METTL15: variants seen among roughly 807,000 people sequenced by gnomAD.
The protein encoded by METTL15 is methyltransferase 15, mitochondrial 12S rRNA N4-cytidine, also known as 12S rRNA N(4)-cytidine methyltransferase METTL15.
METTL15 carries 34 observed loss-of-function variants against 38.3 expected under a neutral mutation model. The ratio of observed to expected loss-of-function variants is 0.89; its 90% CI spans 0.68 to 1.18. The LOEUF is 1.18. Among genes scored for constraint, METTL15 ranks in the 50% most tolerant of loss-of-function variants. The pLI, the probability that METTL15 is intolerant of heterozygous loss-of-function variation, is 0.00. For synonymous variants in METTL15, 162 were observed against 170.9 expected (o/e 0.95, Z 0.41); for missense variants, 438 against 498.4 (o/e 0.88, Z 1.15).
At chr11:28,293,650 A>G (rs1047306041) in intron 5 of METTL15, among the ~76,000 whole-genome samples, 4 of 151,260 alleles carry the variant, frequency 2.6e-5, no homozygotes, top group African/African-American at 7.2e-5. Flanking sequence ...CTTGGGCAGT[A>G]TGGCCATTTT....
chr11:28,498,051 CAAA>C (rs61242332), intron 6 of METTL15, among the ~76,000 whole-genome samples: 150 of 139,812 alleles, frequency 1.1e-3, no homozygotes, highest in African/African-American at 1.8e-3. Flanking sequence ...GAGACTGTTT[CAAA>C]AAAAAAAAAA....
intron 3 of METTL15, among the ~76,000 whole-genome samples, chr11:28,149,842 C>T (rs542148519): frequency 6.6e-6 from 1 of 151,894 alleles, no homozygotes; most frequent in Non-Finnish European, 1.5e-5. Context: ...AATATATTTG[C>T]ATTTCTCAAA....
intron 6 of METTL15, among the ~76,000 whole-genome samples, chr11:28,431,542 G>A (rs1850927822): frequency 1.5e-5 from 1 of 68,016 alleles, no homozygotes; most frequent in East Asian, 3.4e-4. Flanking sequence ...GATTAAGGGC[G>A]GTGCAAGATG....
intron 6 of METTL15, among the ~76,000 whole-genome samples, chr11:28,456,503 G>A (rs150453169): frequency 1.3e-4 from 20 of 151,480 alleles, no homozygotes; most frequent in Admixed American, 4.0e-4. Flanking sequence ...GTGCAGTGGC[G>A]CGATCTCAGC....
intron 5 of METTL15, among the ~76,000 whole-genome samples, chr11:28,409,474 G>A (rs1392823330): frequency 6.6e-6 from 1 of 150,408 alleles, no homozygotes; most frequent in Non-Finnish European, 1.5e-5. Context: ...AATAACAGGA[G>A]AAATATGGAA....
chr11:28,461,530 A>C (rs1225820078), intron 6 of METTL15, among the ~76,000 whole-genome samples: 2 of 152,094 alleles, frequency 1.3e-5, no homozygotes, highest in Non-Finnish European at 2.9e-5. Context: ...AGCTCATTGC[A>C]TAATGGGTCA....
At chr11:28,235,347 T>G (rs1853904091) in intron 4 of METTL15, among the ~76,000 whole-genome samples, 1 of 152,006 alleles carries the variant, frequency 6.6e-6, no homozygotes, top group African/African-American at 2.4e-5. Context: ...GTGAAGAAAG[T>G]CATTGGTAGC....
chr11:28,345,589 A>G (rs1034624296), intron 3 of METTL15, among the ~76,000 whole-genome samples: 5 of 152,212 alleles, frequency 3.3e-5, no homozygotes, highest in African/African-American at 4.8e-5. Context: ...TGCATCACAC[A>G]TGGAATAAGA....
intron 5 of METTL15, among the ~76,000 whole-genome samples, chr11:28,385,334 G>T (rs1209213980): frequency 4.6e-5 from 7 of 152,070 alleles, no homozygotes; most frequent in Admixed American, 1.3e-4. Flanking sequence ...GTGTAAGAAG[G>T]GATCCAGTTT....
At chr11:28,430,054 A>G (rs1590371559) in intron 6 of METTL15, among the ~76,000 whole-genome samples, 4 of 137,836 alleles carry the variant, frequency 2.9e-5, no homozygotes, top group South Asian at 2.5e-4. Flanking sequence ...CCGAGACCCC[A>G]TCTGGGAGGT....
chr11:28,228,844 A>G (rs1853581619), intron 4 of METTL15, among the ~76,000 whole-genome samples: 1 of 152,012 alleles, frequency 6.6e-6, no homozygotes. Context: ...CAGACTTACA[A>G]GGTATCTGAA....
At position 28,309,523 on chromosome 11, in the gene METTL15, A is replaced by C. The variant is rs548647245; in HGVS notation, c.778+12592A>C. Among the ~76,000 whole-genome samples, 9 of 152,228 alleles carry C rather than the reference A, an allele frequency of 5.9e-5. No homozygotes were observed. The South Asian group carries it at 1.9e-3, about 32-fold the overall frequency. On this transcript the variant is annotated intron_variant, in intron 6 of 6. Transcript: ENST00000407364. Reference sequence around the variant, plus strand: ...TTACCATTGAGTAGTATTCTTTTGCATTGCTTTGGGGATCTTGGAGCATAC... The same window carrying C: ...TTACCATTGAGTAGTATTCTTTTGCCTTGCTTTGGGGATCTTGGAGCATAC...
intron 6 of METTL15, among the ~76,000 whole-genome samples, chr11:28,481,404 G>A (rs1851394268): frequency 6.6e-6 from 1 of 152,162 alleles, no homozygotes; most frequent in Non-Finnish European, 1.5e-5. Flanking sequence ...GACTTTATGT[G>A]TAGGCTTCCC....
At chr11:28,304,394 G>C (rs1449179550) in intron 6 of METTL15, among the ~76,000 whole-genome samples, 1 of 152,100 alleles carries the variant, frequency 6.6e-6, no homozygotes, top group African/African-American at 2.4e-5. Flanking sequence ...TGTTAATCCA[G>C]AGAGAACCTT....
At chr11:28,380,496 A>G (rs1324668948) in intron 5 of METTL15, among the ~76,000 whole-genome samples, 3 of 152,132 alleles carry the variant, frequency 2.0e-5, no homozygotes, top group African/African-American at 7.2e-5. Context: ...ATAATTAATA[A>G]TTTATTACTG....
chr11:28,394,271 T>A (rs1850545490), intron 5 of METTL15, among the ~76,000 whole-genome samples: 1 of 152,030 alleles, frequency 6.6e-6, no homozygotes, highest in South Asian at 2.1e-4. Context: ...AACAGATGGT[T>A]AACAAAGAAA....
At chr11:28,310,878 ATGC>A (rs878913369) in intron 6 of METTL15, among the ~76,000 whole-genome samples, 2 of 64,724 alleles carry the variant, frequency 3.1e-5, no homozygotes, top group South Asian at 7.3e-4. Context: ...CCTAGCTTAA[ATGC>A]TGCTGCTGCT....
chr11:28,413,131 C>T (rs933314401), intron 5 of METTL15, among the ~76,000 whole-genome samples: 8 of 151,800 alleles, frequency 5.3e-5, no homozygotes, highest in African/African-American at 1.9e-4. Context: ...AAGTGGTTTT[C>T]CATCTTTGTC....
chr11:28,120,311 ATGT>A (rs1482814683), intron 3 of METTL15, among the ~76,000 whole-genome samples: 1 of 138,276 alleles, frequency 7.2e-6, no homozygotes, highest in Non-Finnish European at 1.6e-5. Flanking sequence ...TGGACTGTTG[ATGT>A]TGTGTTTTCC....
Sources: gnomAD v4.1 joint callset for allele counts (sites outside exome capture counted in the v4.1 genomes callset) on GRCh38, gnomAD v4.1.1 for gene constraint, MANE v1.5 for transcripts, NCBI Gene and HGNC (gene_info 2026-07-23, HGNC 2026-07-21) for gene names.